The following ADGRG2 variants were observed in gnomAD, a reference collection of about 807,000 sequenced individuals.
ADGRG2 encodes the protein G protein-coupled receptor 64.
In ADGRG2, 26 loss-of-function variants were observed where a neutral mutation model predicts 74.1. The ratio of observed to expected loss-of-function variants is 0.35; its 90% CI spans 0.26 to 0.49. The LOEUF (loss-of-function observed/expected upper bound fraction) is 0.49. ADGRG2 is among the 20% of genes least tolerant of loss of function. The pLI is 0.99. For missense variants in ADGRG2, 619 were observed against 763.1 expected, an observed-to-expected ratio of 0.81 and a Z score of 2.22; for synonymous variants, 296 against 295.2, an observed-to-expected ratio of 1.00 and a Z score of -0.03.
chrX:19,122,546 C>CCCCGCCGCTCCCGGCCCGCT (rs2062628408), upstream of ADGRG2: 1 of 110,200 alleles, frequency 9.1e-6, no homozygotes, highest in Non-Finnish European at 1.9e-5. Context: ...TCGGCGCCGC[C>CCCCGCCGCTCCCGGCCCGCT]CCCGCCGCTC....
chrX:19,122,520 C>T (rs1328450195), upstream of ADGRG2: 4 of 110,346 alleles, frequency 3.6e-5, no homozygotes, highest in East Asian at 1.1e-3. Context: ...CGGCCCTCCT[C>T]CCCCCGCCCG....
chrX:19,104,893 G>C (rs1447519196), intron 1 of ADGRG2, among the ~76,000 whole-genome samples: 1 of 91,720 alleles, frequency 1.1e-5, no homozygotes, highest in East Asian at 3.4e-4. Flanking sequence ...CTCTCGTCTA[G>C]GTGATAGAGC....
chrX:19,024,372 C>T (rs2060656969), intron 11 of ADGRG2, among the ~76,000 whole-genome samples: 1 of 111,401 alleles, frequency 9.0e-6, no homozygotes, highest in Non-Finnish European at 1.9e-5. Context: ...TCTGCCCTCT[C>T]TGGCCCTCTC....
chrX:19,010,108 C>CTTGTTT (rs1159895405), intron 17 of ADGRG2, among the ~76,000 whole-genome samples: 18 of 107,020 alleles, frequency 1.7e-4, no homozygotes, highest in Non-Finnish European at 3.5e-4. Flanking sequence ...CGCGCCCAGC[C>CTTGTTT]TTGTTTTTGT....
Position 19,049,555 on chromosome X carries a change from C to T in ADGRG2, c.119-9331G>A, listed in dbSNP as rs140286105. 2.9e-3 allele frequency among the ~76,000 whole-genome samples: 316 copies of T among 108,686 alleles called. 1 individual carries two copies. Among genetic ancestry groups the T allele is most frequent in the African/African-American group, 0.01 (298 of 29,513 alleles). The allele number at this position is 108,686 out of a possible 115,157, so 94.4% of individuals were successfully genotyped here. A position where few individuals can be genotyped will look rare whatever the true frequency, so the allele number is the denominator to read the frequency against. On this transcript the variant is annotated intron_variant, in intron 3 of 28. Coordinates refer to ENST00000379869, the MANE Select transcript of ADGRG2 (RefSeq NM_001079858.3). ...ATGACCTAGGCAAGCTTCTCCAACCCGCAGCCCACAGGCCACATGTGGCCC... is the reference window on the plus strand; with the variant it reads ...ATGACCTAGGCAAGCTTCTCCAACCTGCAGCCCACAGGCCACATGTGGCCC...
intron 1 of ADGRG2, among the ~76,000 whole-genome samples, chrX:19,104,464 G>GT (rs2062243794): frequency 1.8e-5 from 2 of 110,561 alleles, no homozygotes; most frequent in African/African-American, 3.3e-5. Context: ...CCATCTGACT[G>GT]TTTGGTGTCA....
chrX:19,037,337 G>A (rs878890506), intron 6 of ADGRG2, 130 bp downstream of exon 6: 1 of 502,655 alleles, frequency 2.0e-6, no homozygotes, highest in South Asian at 4.0e-5. Context: ...GGCAAGTTTT[G>A]TTTTGGGTTA....
At chrX:19,093,160 G>A (rs2062039437) in intron 1 of ADGRG2, among the ~76,000 whole-genome samples, 3 of 112,108 alleles carry the variant, frequency 2.7e-5, no homozygotes, top group African/African-American at 9.7e-5. Flanking sequence ...AACCTGCTCA[G>A]GGTTTGGCCA....
At chrX:19,101,963 G>A (rs2062195644) in intron 1 of ADGRG2, among the ~76,000 whole-genome samples, 1 of 110,835 alleles carries the variant, frequency 9.0e-6, no homozygotes, top group Admixed American at 9.6e-5. Flanking sequence ...TGTTCTGATT[G>A]CCTGAGCTAA....
In ADGRG2 at chrX:19,008,031, C is replaced by G; in HGVS notation, c.1515G>C (p.Glu505Asp). 1 of 1,202,346 alleles carries G rather than the reference C, an allele frequency of 8.3e-7. No individual in the cohort carries two copies. The highest frequency in any genetic ancestry group is 2.2e-5 in the Admixed American group (1 of 45,896). ...LMNNLPAHDM[E>D]LASRVQFNFF... ...AATTGAACTGAACCCTGGAAGCTAG[C>G]TCCATGTCATGAGCTGGTAAATTAT... Residue 505 changes from glutamate (E) to aspartate (D), a missense_variant, in exon 19 of 29, where the codon GAG becomes GAC. Transcript: ENST00000379869.
intron 3 of ADGRG2, among the ~76,000 whole-genome samples, chrX:19,056,640 G>A (rs1268409488): frequency 4.5e-5 from 5 of 111,950 alleles, no homozygotes; most frequent in South Asian, 3.8e-4. Flanking sequence ...TTGAAGCCAC[G>A]TTAACCCTTA....
chrX:19,070,877 A>G (rs981379455), intron 2 of ADGRG2, among the ~76,000 whole-genome samples: 4 of 111,890 alleles, frequency 3.6e-5, no homozygotes, highest in Non-Finnish European at 5.6e-5. Flanking sequence ...AGACAACAGC[A>G]CCCACCTGAT....
chrX:18,994,372 C>G (rs193099904), intron 28 of ADGRG2, among the ~76,000 whole-genome samples: 1 of 110,284 alleles, frequency 9.1e-6, no homozygotes, highest in East Asian at 2.9e-4. Flanking sequence ...ACCTGTAGGT[C>G]ACCTGTAATT....
intron 28 of ADGRG2, among the ~76,000 whole-genome samples, chrX:18,994,647 T>C (rs2059984153): frequency 1.8e-5 from 2 of 112,226 alleles, no homozygotes; most frequent in African/African-American, 3.2e-5. Context: ...AATGTTAAAA[T>C]TTTTAGGTCA....
rs756086326 is a variant in ADGRG2, at chrX:19,108,214, C to G, written c.-47+14228G>C. On this transcript the variant is annotated intron_variant, in intron 1 of 28. Coordinates refer to ENST00000379869, the MANE Select transcript of ADGRG2 (RefSeq NM_001079858.3). ...AGGTGCGGTGGCTCATGCCTGTAATCCCAGCAGTTTAGGAAGCTGAGGCGG... is the reference window on the plus strand; with the variant it reads ...AGGTGCGGTGGCTCATGCCTGTAATGCCAGCAGTTTAGGAAGCTGAGGCGG... 1.5e-4 allele frequency among the ~76,000 whole-genome samples: 16 copies of G among 109,365 alleles called. No individual in the cohort carries two copies. The South Asian group carries it at 6.2e-3, about 43-fold the overall frequency. The allele number at this position is 109,365 out of a possible 115,157, so 95.0% of individuals were successfully genotyped here. A position where few individuals can be genotyped will look rare whatever the true frequency, so the allele number is the denominator to read the frequency against.
intron 11 of ADGRG2, among the ~76,000 whole-genome samples, 187 bp from the exon 12 acceptor site, chrX:19,024,135 G>T (rs910045008): frequency 7.1e-5 from 8 of 111,961 alleles, no homozygotes; most frequent in Non-Finnish European, 1.3e-4. Flanking sequence ...TATGACAAGG[G>T]AAACCAACCA....
intron 1 of ADGRG2, among the ~76,000 whole-genome samples, chrX:19,116,189 T>C (rs1380721495): frequency 2.8e-5 from 3 of 106,781 alleles, no homozygotes; most frequent in Non-Finnish European, 3.8e-5. Flanking sequence ...CACTCCAGTC[T>C]GGGCAAAAGA....
At chrX:19,003,310 G>A (rs887150531) in intron 23 of ADGRG2, among the ~76,000 whole-genome samples, 196 bp from the exon 24 acceptor site, 4 of 110,433 alleles carry the variant, frequency 3.6e-5, no homozygotes, top group Admixed American at 1.9e-4. Flanking sequence ...GACTACAGGC[G>A]CTCTCTACCA....
At chrX:19,067,517 A>G (rs1176080231) in intron 3 of ADGRG2, among the ~76,000 whole-genome samples, 6 of 112,312 alleles carry the variant, frequency 5.3e-5, no homozygotes, top group Admixed American at 1.9e-4. Context: ...GGACCTAAAC[A>G]TAAGAGCTAA....
Sources: allele counts gnomAD v4.1 joint callset (sites outside exome capture counted in the v4.1 genomes callset), GRCh38; gene constraint gnomAD v4.1.1; transcripts MANE v1.5; gene names NCBI Gene and HGNC (gene_info 2026-07-23, HGNC 2026-07-21).